The following ACVR1B variants were observed in gnomAD, a reference collection of about 807,000 sequenced individuals.
ACVR1B encodes activin receptor type-1B.
Under a neutral mutation model 55.6 loss-of-function variants are expected in ACVR1B, and 15 were observed. That is an observed-to-expected ratio of 0.27 (90% CI 0.18 to 0.42). The LOEUF (loss-of-function observed/expected upper bound fraction) is 0.42, where lower values mean the gene tolerates loss of function less well. Ranked by LOEUF, ACVR1B falls within the 10% of genes least tolerant of loss-of-function variation. The pLI is 1.00. For synonymous variants in ACVR1B, 247 were observed against 254.6 expected, an observed-to-expected ratio of 0.97 and a Z score of 0.28; for missense variants, 359 against 670.1, an observed-to-expected ratio of 0.54 and a Z score of 5.13.
At chr12:51,966,058 A>G (rs1377829457) in intron 1 of ACVR1B, among the ~76,000 whole-genome samples, 4 of 151,910 alleles carry the variant, frequency 2.6e-5, no homozygotes, top group African/African-American at 9.7e-5. Flanking sequence ...AGAGGAAAAT[A>G]CTACTAAAAA....
intron 6 of ACVR1B, among the ~76,000 whole-genome samples, chr12:51,986,350 C>T (rs1430264071): frequency 6.6e-6 from 1 of 152,216 alleles, no homozygotes; most frequent in Non-Finnish European, 1.5e-5. Context: ...CCTCCGCCTC[C>T]CGGGTTCAAG....
At chr12:51,961,887 C>G (rs1175452807) in intron 1 of ACVR1B, among the ~76,000 whole-genome samples, 1 of 152,220 alleles carries the variant, frequency 6.6e-6, no homozygotes, top group Non-Finnish European at 1.5e-5. Flanking sequence ...ATTGGACACA[C>G]TCCCTCATAA....
At chr12:51,970,066 A>G (rs1941718202) in intron 1 of ACVR1B, among the ~76,000 whole-genome samples, 1 of 152,226 alleles carries the variant, frequency 6.6e-6, no homozygotes, top group African/African-American at 2.4e-5. Flanking sequence ...GATGAACTGC[A>G]GGAAGACATG....
chr12:51,968,566 C>T (rs1941686305), intron 1 of ACVR1B, among the ~76,000 whole-genome samples: 1 of 152,184 alleles, frequency 6.6e-6, no homozygotes. Context: ...CTACCCATGT[C>T]CCTTCCTTGA....
At chr12:51,989,949 C>G (rs1942156945) in intron 7 of ACVR1B, among the ~76,000 whole-genome samples, 1 of 152,060 alleles carries the variant, frequency 6.6e-6, no homozygotes, top group South Asian at 2.1e-4. Context: ...CGTGCCACTG[C>G]ACTCCAGCCT....
At chr12:51,971,174 C>T (rs1366847385) in intron 1 of ACVR1B, among the ~76,000 whole-genome samples, 1 of 152,210 alleles carries the variant, frequency 6.6e-6, no homozygotes, top group Non-Finnish European at 1.5e-5. Flanking sequence ...CGGAGCTAGA[C>T]AGTCTGCCCA....
intron 1 of ACVR1B, chr12:51,953,409 T>C (rs1378605657): frequency 1.0e-6 from 1 of 985,370 alleles, no homozygotes; most frequent in East Asian, 1.1e-4. Flanking sequence ...TCGTGTGTGT[T>C]CTTCGGCCTC....
intron 1 of ACVR1B, among the ~76,000 whole-genome samples, chr12:51,960,698 T>G (rs923859095): frequency 6.6e-6 from 1 of 152,168 alleles, no homozygotes; most frequent in African/African-American, 2.4e-5. Flanking sequence ...CCAAAACATG[T>G]GCTCTAAATA....
chr12:51,964,677 C>T (rs1941606429), intron 1 of ACVR1B, among the ~76,000 whole-genome samples: 1 of 152,174 alleles, frequency 6.6e-6, no homozygotes, highest in Non-Finnish European at 1.5e-5. Flanking sequence ...CATTCTTTCG[C>T]ATGTGGTTAT....
intron 1 of ACVR1B, among the ~76,000 whole-genome samples, chr12:51,968,528 C>CT (rs1941685164): frequency 6.6e-6 from 1 of 152,150 alleles, no homozygotes; most frequent in African/African-American, 2.4e-5. Flanking sequence ...TACAATGTGA[C>CT]TTTGACACTC....
rs1379928937 is a variant in ACVR1B, at chr12:51,951,709, G to A, written c.-35G>A. ...GCGCGCGCGCGCGCTGGGCGCTGCT[G>A]GGCTGCGGCGGCGGCGGCGGCGGCG... On this transcript the variant is annotated 5_prime_UTR_variant, in exon 1 of 9. Transcript: ENST00000257963. 6 of 1,063,640 alleles carry A rather than the reference G, an allele frequency of 5.6e-6. No homozygotes were observed. The East Asian group carries it at 2.3e-4, about 41-fold the overall frequency. 65.9% of individuals were successfully genotyped at this position (1,063,640 alleles called of 1,614,324 possible).
intron 1 of ACVR1B, among the ~76,000 whole-genome samples, chr12:51,963,364 C>A (rs967186948): frequency 2.0e-5 from 3 of 152,158 alleles, no homozygotes; most frequent in Admixed American, 2.0e-4. Context: ...CCTGTCTCAA[C>A]CTTCTGAGTA....
chr12:51,964,218 G>A (rs12423014), intron 1 of ACVR1B, among the ~76,000 whole-genome samples: 18,168 of 152,052 alleles, frequency 0.12, 1,670 homozygotes, highest in Admixed American at 0.31. Context: ...TTAGCTCATC[G>A]CAGCCTTGAA....
rs1432407486 is a variant in ACVR1B at position 51,984,181 on chromosome 12, G to A, written c.979+15G>A. On this transcript the variant is annotated intron_variant, in intron 5 of 8. Coordinates refer to ENST00000257963, the MANE Select transcript of ACVR1B (RefSeq NM_004302.5). Reference sequence around the variant, plus strand: ...GGGCACCCAAGGTGAGTGGACTAGCGCAGGAGCGGCGAAGTGGTGTAGGCA... The same window carrying A: ...GGGCACCCAAGGTGAGTGGACTAGCACAGGAGCGGCGAAGTGGTGTAGGCA... 1.4e-5 allele frequency: 22 copies of A among 1,613,806 alleles called. No individual in the cohort carries two copies. Among genetic ancestry groups the A allele is most frequent in the Non-Finnish European group, 1.7e-5 (20 of 1,179,944 alleles).
rs1261315111 is a variant in ACVR1B, at chr12:51,986,936, T to G, written c.1255T>G (p.Ser419Ala). Residue 419 changes from serine to alanine, a missense_variant, in exon 7 of 9, where the codon TCT becomes GCT. Physicochemically the swap from Ser to Ala is moderately conservative, Grantham distance 99. Transcript: ENST00000257963. ...TTGGGAGATTGCTCGAAGATGCAAT[T>G]CTGGAGGTACCTTTCTTTTTTGCCT... The part of the protein sequence containing the change: ...VYWEIARRCN[S>A]GGVHEEYQLP... 2 of 1,614,258 alleles carry G rather than the reference T, an allele frequency of 1.2e-6. No individual in the cohort carries two copies. The highest frequency in any genetic ancestry group is 1.7e-6 in the Non-Finnish European group (2 of 1,180,042).
chr12:51,976,797 A>T (rs1225317435), intron 3 of ACVR1B, among the ~76,000 whole-genome samples: 1 of 152,214 alleles, frequency 6.6e-6, no homozygotes. Flanking sequence ...GGTCTAGTAC[A>T]CAATTATCCA....
At position 51,995,603 on chromosome 12, in the gene ACVR1B, T is replaced by A. The variant is rs1188039430; in HGVS notation, c.*1493T>A. 6.6e-6 allele frequency: 1 copy of A among 152,622 alleles called. No homozygotes were observed. Among genetic ancestry groups the A allele is most frequent in the Non-Finnish European group, 1.5e-5 (1 of 68,034 alleles). 9.5% of individuals were successfully genotyped at this position (152,622 alleles called of 1,614,324 possible). A position where few individuals can be genotyped will look rare whatever the true frequency, so the allele number is the denominator to read the frequency against. On this transcript the variant is annotated 3_prime_UTR_variant, in exon 9 of 9. Transcript: ENST00000257963. ...TGGGAGGGTTTGGATTTTAACTTTT[T>A]TTAATGTTGTTAAATATTAAGTTTT...
intron 3 of ACVR1B, among the ~76,000 whole-genome samples, chr12:51,979,116 T>C (rs1172598661): frequency 7.4e-6 from 1 of 134,788 alleles, no homozygotes; most frequent in East Asian, 2.2e-4. Flanking sequence ...TGAGCCCAGA[T>C]CATGCCATTG....
rs2242106 is a variant in ACVR1B, at chr12:51,975,516, C to T, written c.331+12C>T. 0.25 allele frequency: 408,148 copies of T among 1,605,460 alleles called. 56,696 individuals carry two copies. Among genetic ancestry groups the T allele is most frequent in the Admixed American group, 0.58 (34,743 of 59,856 alleles). On this transcript the variant is annotated intron_variant, in intron 2 of 8. Coordinates refer to ENST00000257963, the MANE Select transcript of ACVR1B (RefSeq NM_004302.5). ...GAGGGTGCCCAGTGGTGAGTGCATG[C>T]CCTTGTTGGGCTAGTGGCTCAGCTT... is the stretch of plus-strand genomic sequence containing the variant.
Sources: allele counts gnomAD v4.1 joint callset (sites outside exome capture counted in the v4.1 genomes callset), GRCh38; gene constraint gnomAD v4.1.1; transcripts MANE v1.5; gene names NCBI Gene and HGNC (gene_info 2026-07-23, HGNC 2026-07-21).